VAV3: variants seen among roughly 807,000 people sequenced by gnomAD.
VAV3 encodes vav guanine nucleotide exchange factor 3.
VAV3 carries 94 observed loss-of-function variants against 131.2 expected under a neutral mutation model. That is an observed-to-expected ratio of 0.72 (90% CI 0.61 to 0.85). VAV3 has a LOEUF of 0.85. Ranked by LOEUF, VAV3 falls within the 40% of genes least tolerant of loss-of-function variation. VAV3 has a pLI of 0.00. For synonymous variants in VAV3, 349 were observed against 342.0 expected, an observed-to-expected ratio of 1.02 and a Z score of -0.22; for missense variants, 939 against 1,002.7, an observed-to-expected ratio of 0.94 and a Z score of 0.86.
intron 20 of VAV3, among the ~76,000 whole-genome samples, chr1:107,624,414 G>A (rs1438119600): frequency 7.2e-6 from 1 of 138,884 alleles, no homozygotes; most frequent in African/African-American, 2.6e-5. Context: ...GTGTGTGTGT[G>A]AAAGAAACAA....
At chr1:107,930,601 C>G (rs1673384060) in intron 1 of VAV3, among the ~76,000 whole-genome samples, 1 of 152,114 alleles carries the variant, frequency 6.6e-6, no homozygotes, top group South Asian at 2.1e-4. Flanking sequence ...AAAAGAATTC[C>G]AGTCAAAAAA....
At chr1:107,700,762 C>T (rs1047394290) in intron 17 of VAV3, among the ~76,000 whole-genome samples, 5 of 152,144 alleles carry the variant, frequency 3.3e-5, no homozygotes, top group Admixed American at 6.5e-5. Flanking sequence ...AGTGAACATA[C>T]GCATGCATGT....
At chr1:107,799,191 T>G (rs1339113797) in intron 2 of VAV3, among the ~76,000 whole-genome samples, 1 of 152,166 alleles carries the variant, frequency 6.6e-6, no homozygotes, top group Non-Finnish European at 1.5e-5. Context: ...GTTACCTCAT[T>G]TCATATTTGT....
Position 107,922,883 on chromosome 1 carries a change from C to T in VAV3, c.204+41783G>A, listed in dbSNP as rs540505330. On this transcript the variant is annotated intron_variant, in intron 1 of 26. Transcript: ENST00000370056. Reference sequence around the variant, plus strand: ...GGGAGAATGGCGTGAACCCGGGAGGCGGAGCTTGCAGTGAGCCGAGATCGC... The same window carrying T: ...GGGAGAATGGCGTGAACCCGGGAGGTGGAGCTTGCAGTGAGCCGAGATCGC... Among the ~76,000 whole-genome samples the T allele has an allele frequency of 4.0e-5, 6 of 148,450 alleles. No homozygotes were observed. In the East Asian group the frequency reaches 6.0e-4, roughly 15 times the overall value.
intron 1 of VAV3, among the ~76,000 whole-genome samples, chr1:107,918,392 A>T (rs1672722328): frequency 6.6e-6 from 1 of 152,168 alleles, no homozygotes; most frequent in African/African-American, 2.4e-5. Context: ...AAATCTGAAC[A>T]CAACACAGAC....
chr1:107,890,672 C>T (rs778012288), intron 1 of VAV3, among the ~76,000 whole-genome samples: 1 of 152,220 alleles, frequency 6.6e-6, no homozygotes, highest in Non-Finnish European at 1.5e-5. Context: ...AGTCTGCCTT[C>T]TTTGAGTCAT....
At chr1:107,735,826 A>G (rs559264806) in intron 15 of VAV3, among the ~76,000 whole-genome samples, 71 of 152,330 alleles carry the variant, frequency 4.7e-4, no homozygotes, top group African/African-American at 1.6e-3. Flanking sequence ...TCAATAGAAA[A>G]AGAGGGAATC....
At chr1:107,782,243 T>C (rs1437154078) in intron 2 of VAV3, among the ~76,000 whole-genome samples, 1 of 152,170 alleles carries the variant, frequency 6.6e-6, no homozygotes, top group Non-Finnish European at 1.5e-5. Flanking sequence ...TCCTTGAGGA[T>C]ATTTTCTATA....
rs34437461 is a variant in VAV3, at chr1:107,757,153, A to ATG, written c.1086+106_1086+107dup. On this transcript the variant is annotated intron_variant, in intron 11 of 26. Transcript: ENST00000370056. ...TGTTTGTGTATATATATGTGTGTAT[A>ATG]TGTGTGTGTGTGTGTGTGTGTGTGT... 4,980 of 592,566 alleles carry ATG rather than the reference A, an allele frequency of 8.4e-3. 50 individuals carry two copies. Among genetic ancestry groups the ATG allele is most frequent in the Admixed American group, 0.049 (1,615 of 33,064 alleles). The allele number at this position is 592,566 out of a possible 1,614,324, so 36.7% of individuals were successfully genotyped here.
At chr1:107,728,628 T>C (rs983953338) in intron 15 of VAV3, among the ~76,000 whole-genome samples, 5 of 148,468 alleles carry the variant, frequency 3.4e-5, no homozygotes, top group African/African-American at 1.3e-4. Flanking sequence ...TGTATATGTA[T>C]ATGTATATGT....
intron 2 of VAV3, among the ~76,000 whole-genome samples, chr1:107,824,909 A>G (rs1667947953): frequency 6.6e-6 from 1 of 151,814 alleles, no homozygotes; most frequent in Non-Finnish European, 1.5e-5. Flanking sequence ...TTTAAGAGTA[A>G]AAGAACCCAC....
intron 1 of VAV3, among the ~76,000 whole-genome samples, chr1:107,889,008 G>A (rs1233341692): frequency 1.3e-5 from 2 of 151,866 alleles, no homozygotes; most frequent in Non-Finnish European, 2.9e-5. Context: ...AGCACCAGTG[G>A]GTGGGTCTGA....
intron 1 of VAV3, among the ~76,000 whole-genome samples, chr1:107,903,807 T>G (rs2101096121): frequency 6.6e-6 from 1 of 152,252 alleles, no homozygotes; most frequent in Non-Finnish European, 1.5e-5. Context: ...ACACCTCCAT[T>G]TGTGTAAATA....
At chr1:107,817,711 T>C (rs1667616907) in intron 2 of VAV3, among the ~76,000 whole-genome samples, 1 of 152,094 alleles carries the variant, frequency 6.6e-6, no homozygotes, top group Admixed American at 6.6e-5. Flanking sequence ...CCTTCCCATG[T>C]GGCTGGCAGA....
intron 10 of VAV3, among the ~76,000 whole-genome samples, chr1:107,760,508 A>C (rs919174663): frequency 6.6e-6 from 1 of 152,166 alleles, no homozygotes; most frequent in African/African-American, 2.4e-5. Flanking sequence ...TGGTTGAAAA[A>C]ATATTTTTAT....
intron 19 of VAV3, among the ~76,000 whole-genome samples, chr1:107,656,182 C>G (rs139676482): frequency 6.6e-6 from 1 of 151,990 alleles, no homozygotes; most frequent in Admixed American, 6.6e-5. Flanking sequence ...TCATAATAAC[C>G]GAAATATGGA....
At chr1:107,753,484 G>GTA (rs1300227892) in intron 12 of VAV3, among the ~76,000 whole-genome samples, 3 of 94,144 alleles carry the variant, frequency 3.2e-5, no homozygotes, top group Admixed American at 1.2e-4. Context: ...ATGTGTGTGT[G>GTA]TATATATATA....
intron 18 of VAV3, chr1:107,685,875 C>T (rs891650382): frequency 6.6e-6 from 1 of 151,574 alleles, no homozygotes; most frequent in African/African-American, 2.4e-5. Context: ...TGGACAGGCC[C>T]TTGTCCCCAG....
In VAV3 at chr1:107,786,084, C is replaced by T. The variant is rs568636813; in HGVS notation, c.322-6592G>A. 5.3e-5 allele frequency among the ~76,000 whole-genome samples: 8 copies of T among 152,166 alleles called. No individual in the cohort carries two copies. The South Asian group carries it at 1.7e-3, about 32-fold the overall frequency. On this transcript the variant is annotated intron_variant, in intron 2 of 26. Coordinates refer to ENST00000370056, the MANE Select transcript of VAV3 (RefSeq NM_006113.5). Reference sequence around the variant, plus strand: ...ATGTCCTTAGCACCTCCTCTATGGGCAAAGCAAAGCAGTACAGCCAGATAA... The same window carrying T: ...ATGTCCTTAGCACCTCCTCTATGGGTAAAGCAAAGCAGTACAGCCAGATAA...
Sources: allele counts gnomAD v4.1 joint callset (sites outside exome capture counted in the v4.1 genomes callset), GRCh38; gene constraint gnomAD v4.1.1; transcripts MANE v1.5; gene names NCBI Gene and HGNC (gene_info 2026-07-23, HGNC 2026-07-21).